GPR135: variants seen among roughly 807,000 people sequenced by gnomAD.
GPR135 encodes the protein G-protein coupled receptor 135.
Under a neutral mutation model 15.0 loss-of-function variants are expected in GPR135, and 17 were observed. That is an observed-to-expected ratio of 1.13 (90% CI 0.78 to 1.70). GPR135 has a LOEUF of 1.70. Ranked by LOEUF, GPR135 falls within the 40% of genes most tolerant of loss-of-function variation. The pLI is 0.00. For missense variants in GPR135, 776 were observed against 727.0 expected (o/e 1.07, Z -0.78); for synonymous variants, 368 against 349.4 (o/e 1.05, Z -0.59).
downstream of GPR135, chr14:59,455,894 T>C (rs1207359441): frequency 6.6e-6 from 1 of 152,234 alleles, no homozygotes; most frequent in African/African-American, 2.4e-5. Context: ...GAAAATGCAC[T>C]CTGCTAAAAA....
In GPR135 at chr14:59,464,942, C is replaced by T. The variant is rs1889077558; in HGVS notation, c.285G>A (p.Pro95=). 1.3e-6 allele frequency: 2 copies of T among 1,554,258 alleles called. No individual in the cohort carries two copies. The highest frequency in any genetic ancestry group is 1.4e-5 in the African/African-American group (1 of 71,182). Residue 95 remains proline (P), a synonymous_variant, in exon 1 of 1, where the codon CCG becomes CCA. Coordinates refer to ENST00000395116, the MANE Select transcript of GPR135 (RefSeq NM_022571.6). ...CCACTGCAGCTCCGTGCGACAGCAG[C>T]GGCGCCGCCTCCGGGCCTAGCGGCC... The part of the protein sequence containing the change: ...VRRPLGPEAA[P]LLSHGAAVAA...
Position 59,464,072 on chromosome 14 carries a change from G to T in GPR135, c.1155C>A (p.Val385=). The part of the protein sequence containing the change: ...LTWANGAINP[V]IYAIRNPNIS... Reference sequence around the variant, plus strand: ...TGTTGGGATTGCGGATGGCGTAGATGACAGGGTTGATGGCCCCATTGGCCC... The same window carrying T: ...TGTTGGGATTGCGGATGGCGTAGATTACAGGGTTGATGGCCCCATTGGCCC... The change falls in exon 1 of 1, where the codon GTC becomes GTA. Residue 385 remains valine, a synonymous_variant. Transcript: ENST00000395116. 6.2e-7 allele frequency: 1 copy of T among 1,613,174 alleles called. No individual in the cohort carries two copies. The highest frequency in any genetic ancestry group is 8.5e-7 in the Non-Finnish European group (1 of 1,180,028).
At chr14:59,454,641 C>G (rs2139758003) in intron 6 of GPR135, among the ~76,000 whole-genome samples, 1 of 152,082 alleles carries the variant, frequency 6.6e-6, no homozygotes, top group Non-Finnish European at 1.5e-5. Context: ...GAGGCTGTGC[C>G]AAAAACAGAG....
chr14:59,464,489 C>A lies in GPR135; in HGVS notation c.738G>T (p.Leu246=), dbSNP rs1300533097. 7.1e-6 allele frequency: 11 copies of A among 1,542,224 alleles called. No homozygotes were observed. The highest frequency in any genetic ancestry group is 9.6e-6 in the Non-Finnish European group (11 of 1,150,128). The part of the protein sequence containing the change: ...TALGFSLPWE[L]LGAPRELAAA... ...CCGCGAGTTCCCGGGGCGCCCCGAG[C>A]AGCTCCCAGGGCAAGGAGAAGCCCA... Residue 246 remains leucine, a synonymous_variant, in exon 1 of 1, where the codon CTG becomes CTT. Coordinates refer to ENST00000395116, the MANE Select transcript of GPR135 (RefSeq NM_022571.6).
At position 59,464,426 on chromosome 14, in the gene GPR135, G is replaced by C; in HGVS notation, c.801C>G (p.Ser267=). 3 of 1,580,430 alleles carry C rather than the reference G, an allele frequency of 1.9e-6. No individual in the cohort carries two copies. Among genetic ancestry groups the C allele is most frequent in the Non-Finnish European group, 2.6e-6 (3 of 1,165,252 alleles). Residue 267 remains serine, a synonymous_variant, in exon 1 of 1, where the codon TCC becomes TCG. Coordinates refer to ENST00000395116, the MANE Select transcript of GPR135 (RefSeq NM_022571.6). ...CCGCGCCCAGCTGCGCGGGGTCCGG[G>C]GAGGTCCGGTAGAGGCAGCCGTGGA... ...QSFHGCLYRT[S]PDPAQLGAAF... is the part of the protein sequence containing the mutation.
chr14:59,456,604 C>G (rs1349508176), downstream of GPR135: 1 of 152,184 alleles, frequency 6.6e-6, no homozygotes, highest in Non-Finnish European at 1.5e-5. Context: ...AGCCTTTGAA[C>G]CATCACTCCT....
rs1436547853 is a variant in GPR135 at position 59,463,989 on chromosome 14, G to A, written c.1238C>T (p.Ala413Val). The change falls in exon 1 of 1, where the codon GCT (alanine) becomes GTT (valine). Residue 413 changes from alanine to valine, a missense_variant. Transcript: ENST00000395116. ...ACCCGGGCCCTGGCTGGGCAGGAAA[G>A]CGTCCACATTCCTAGTCCGGTAGCC... is the stretch of plus-strand genomic sequence containing the variant. The part of the protein sequence containing the change: ...EEGYRTRNVD[A>V]FLPSQGPGLQ... The A allele has an allele frequency of 6.2e-7, 1 of 1,614,058 alleles. No individual in the cohort carries two copies. Among genetic ancestry groups the A allele is most frequent in the African/African-American group, 1.3e-5 (1 of 75,082 alleles).
At position 59,464,777 on chromosome 14, in the gene GPR135, C is replaced by T. The variant is rs767523051; in HGVS notation, c.450G>A (p.Leu150=). ...AFILSLSLSD[L]LTALLCLPAA... is the part of the protein sequence containing the mutation. The stretch of plus-strand genomic sequence containing the variant: ...CGGGCAGGCAGAGCAGCGCCGTGAG[C>T]AGATCCGATAGGGACAGCGACAGGA... The change falls in exon 1 of 1, where the codon CTG becomes CTA. Residue 150 remains leucine, a synonymous_variant. Coordinates refer to ENST00000395116, the MANE Select transcript of GPR135 (RefSeq NM_022571.6). 8.9e-6 allele frequency: 14 copies of T among 1,572,368 alleles called. No individual in the cohort carries two copies. The South Asian group carries it at 9.3e-5, about 10-fold the overall frequency.
chr14:59,456,229 A>G (rs927280198), downstream of GPR135, among the ~76,000 whole-genome samples: 3 of 152,152 alleles, frequency 2.0e-5, no homozygotes, highest in African/African-American at 7.2e-5. Flanking sequence ...TTAAAAAAAA[A>G]CAACAAACAA....
At position 59,464,252 on chromosome 14, in the gene GPR135, G is replaced by A. The variant is rs1234273809; in HGVS notation, c.975C>T (p.Ser325=). The A allele has an allele frequency of 3.7e-6, 6 of 1,611,950 alleles. No homozygotes were observed. Among genetic ancestry groups the A allele is most frequent in the Non-Finnish European group, 5.1e-6 (6 of 1,179,906 alleles). Residue 325 remains serine (S), a synonymous_variant, in exon 1 of 1, where the codon AGC becomes AGT. Transcript: ENST00000395116. ...NTYARVLRFF[S]EVRTATTVLI... Reference sequence around the variant, plus strand: ...GGACGGTGGTGGCCGTGCGCACCTCGCTGAAGAAGCGCAGCACGCGCGCGT... The same window carrying A: ...GGACGGTGGTGGCCGTGCGCACCTCACTGAAGAAGCGCAGCACGCGCGCGT...
chr14:59,457,556 T>A (rs981808133), downstream of GPR135, among the ~76,000 whole-genome samples: 2 of 152,204 alleles, frequency 1.3e-5, no homozygotes, highest in African/African-American at 4.8e-5. Flanking sequence ...TTGAACTATA[T>A]TCAAGTTTGC....
rs1888961156 is a variant in GPR135, at chr14:59,463,826, T to C, written c.1401A>G (p.Val467=). ...CTGGTGGTCCCTCTCGGCAGAAAAG[T>C]ACAACTGGATTTTTGCGGGCCCACA... is the stretch of plus-strand genomic sequence containing the variant. ...VAMWARKNPV[V]LFCREGPPEP... is the part of the protein sequence containing the mutation. Residue 467 remains valine (V), a synonymous_variant, in exon 1 of 1, where the codon GTA becomes GTG. Transcript: ENST00000395116. 6.2e-7 allele frequency: 1 copy of C among 1,614,206 alleles called. No homozygotes were observed. The highest frequency in any genetic ancestry group is 8.5e-7 in the Non-Finnish European group (1 of 1,180,024).
downstream of GPR135, among the ~76,000 whole-genome samples, chr14:59,458,017 C>T (rs1888722349): frequency 6.6e-6 from 1 of 152,180 alleles, no homozygotes; most frequent in South Asian, 2.1e-4. Flanking sequence ...TTCTACTACT[C>T]CTTCTGTGAG....
chr14:59,457,661 GTTTC>G (rs944620054), downstream of GPR135, among the ~76,000 whole-genome samples: 31 of 152,148 alleles, frequency 2.0e-4, no homozygotes, highest in African/African-American at 6.5e-4. Flanking sequence ...GCATTTCCAT[GTTTC>G]TTTTTTTATA....
Position 59,463,875 on chromosome 14 carries a change from C to T in GPR135, c.1352G>A (p.Ser451Asn). 1 of 1,614,170 alleles carries T rather than the reference C, an allele frequency of 6.2e-7. No individual in the cohort carries two copies. Among genetic ancestry groups the T allele is most frequent in the Non-Finnish European group, 8.5e-7 (1 of 1,180,000 alleles). The stretch of plus-strand genomic sequence containing the variant: ...CATGGCCACGTCCCCTGCCACTCCG[C>T]TGGCCGGGTTGGAAGAGGACATCCT... Reference protein sequence around the residue: ...CNRMSSSNPASGVAGDVAMWA... With the variant: ...CNRMSSSNPANGVAGDVAMWA... Residue 451 changes from serine (S) to asparagine (N), a missense_variant, in exon 1 of 1, where the codon AGC becomes AAC. Transcript: ENST00000395116.
Position 59,465,116 on chromosome 14 carries a change from G to A in GPR135, c.111C>T (p.Ala37=). The A allele has an allele frequency of 1.4e-6, 2 of 1,383,512 alleles. No individual in the cohort carries two copies. The highest frequency in any genetic ancestry group is 2.8e-5 in the Admixed American group (1 of 35,942). 85.7% of individuals were successfully genotyped at this position (1,383,512 alleles called of 1,614,324 possible). The change falls in exon 1 of 1, where the codon GCC becomes GCT. Residue 37 remains alanine, a synonymous_variant. Transcript: ENST00000395116. Reference sequence around the variant, plus strand: ...TGCTGAAGGAGAGCACGGCCGCCGTGGCCGCGGAGGAAGTCCCGCCAGGTG... The same window carrying A: ...TGCTGAAGGAGAGCACGGCCGCCGTAGCCGCGGAGGAAGTCCCGCCAGGTG... ...AGPPGGTSSA[A]TAAVLSFSTV... is the part of the protein sequence containing the mutation.
At chr14:59,459,549 A>G (rs1195518002), downstream of GPR135, among the ~76,000 whole-genome samples, 1 of 152,252 alleles carries the variant, frequency 6.6e-6, no homozygotes, top group African/African-American at 2.4e-5. Context: ...TATGTTCACC[A>G]ATGCACTGGC....
chr14:59,465,179 C>T lies in GPR135; in HGVS notation c.48G>A (p.Leu16=). ...AGGGGGCGCCGGAGTGCTGGCTGCC[C>T]AGTAAGGCCATGCTCGCTGGTGGGC... is the stretch of plus-strand genomic sequence containing the variant. ...PPRPPASMAL[L]GSQHSGAPSA... is the part of the protein sequence containing the mutation. The change falls in exon 1 of 1, where the codon CTG becomes CTA. Residue 16 remains leucine (L), a synonymous_variant. Coordinates refer to ENST00000395116, the MANE Select transcript of GPR135 (RefSeq NM_022571.6). 1 of 1,300,448 alleles carries T rather than the reference C, an allele frequency of 7.7e-7. No individual in the cohort carries two copies. The highest frequency in any genetic ancestry group is 9.7e-7 in the Non-Finnish European group (1 of 1,029,928). The allele number at this position is 1,300,448 out of a possible 1,614,324, so 80.6% of individuals were successfully genotyped here. A position where few individuals can be genotyped will look rare whatever the true frequency, so the allele number is the denominator to read the frequency against.
At position 59,465,156 on chromosome 14, in the gene GPR135, G is replaced by A; in HGVS notation, c.71C>T (p.Pro24Leu). The change falls in exon 1 of 1, where the codon CCC (proline) becomes CTC (leucine). Residue 24 changes from proline to leucine, a missense_variant. Coordinates refer to ENST00000395116, the MANE Select transcript of GPR135 (RefSeq NM_022571.6). Reference protein sequence around the residue: ...ALLGSQHSGAPSAAGPPGGTS... With the variant: ...ALLGSQHSGALSAAGPPGGTS... ...CCCGCCAGGTGGGCCGGCCGCGGAG[G>A]GGGCGCCGGAGTGCTGGCTGCCCAG... 7.5e-7 allele frequency: 1 copy of A among 1,337,988 alleles called. No homozygotes were observed. Among genetic ancestry groups the A allele is most frequent in the Non-Finnish European group, 9.6e-7 (1 of 1,047,036 alleles). 82.9% of individuals were successfully genotyped at this position (1,337,988 alleles called of 1,614,324 possible).
Sources: gnomAD v4.1 joint callset for allele counts (sites outside exome capture counted in the v4.1 genomes callset) on GRCh38, gnomAD v4.1.1 for gene constraint, MANE v1.5 for transcripts, NCBI Gene and HGNC (gene_info 2026-07-23, HGNC 2026-07-21) for gene names.